TRIM21: variants seen among roughly 807,000 people sequenced by gnomAD.
The protein encoded by TRIM21 is tripartite motif containing 21.
Under a neutral mutation model 36.1 loss-of-function variants are expected in TRIM21, and 35 were observed. The ratio of observed to expected loss-of-function variants is 0.97; its 90% CI spans 0.74 to 1.28. TRIM21 has a LOEUF of 1.28. Among genes scored for constraint, TRIM21 ranks in the 50% most tolerant of loss-of-function variants. TRIM21 has a pLI of 0.00. For missense variants in TRIM21, 635 were observed against 570.7 expected (o/e 1.11, Z -1.15); for synonymous variants, 256 against 211.5 (o/e 1.21, Z -1.83).
Position 4,390,417 on chromosome 11 carries a change from T to A in TRIM21, c.-8A>T. The A allele has an allele frequency of 6.3e-7, 1 of 1,598,862 alleles. No homozygotes were observed. The highest frequency in any genetic ancestry group is 8.6e-7 in the Non-Finnish European group (1 of 1,168,800). On this transcript the variant is annotated 5_prime_UTR_variant, in exon 2 of 7. Transcript: ENST00000254436. ...GCGTGCTGCTGAAGCCATTGTCAAG[T>A]GTGCCGTTAAACAGCAGTGTGGAGA...
chr11:4,388,555 G>C (rs1564810156), intron 3 of TRIM21, 25 bp from the exon 4 acceptor site: 1 of 1,597,174 alleles, frequency 6.3e-7, no homozygotes, highest in Admixed American at 1.7e-5. Context: ...GAAAGGGAGA[G>C]GTGGTTTTTA....
chr11:4,385,678 C>T lies in TRIM21; in HGVS notation c.1035G>A (p.Glu345=). 6.2e-7 allele frequency: 1 copy of T among 1,613,420 alleles called. No homozygotes were observed. Among genetic ancestry groups the T allele is most frequent in the Non-Finnish European group, 8.5e-7 (1 of 1,179,650 alleles). Residue 345 remains glutamate (E), a synonymous_variant, in exon 7 of 7, where the codon GAG becomes GAA. Coordinates refer to ENST00000254436, the MANE Select transcript of TRIM21 (RefSeq NM_003141.4). Reference sequence around the variant, plus strand: ...AGGCCTCCTTTCCTGTCACATCTACCTCCCAGTAATGTTTTCCAGAGTGAA... The same window carrying T: ...AGGCCTCCTTTCCTGTCACATCTACTTCCCAGTAATGTTTTCCAGAGTGAA... ...QHFHSGKHYW[E]VDVTGKEAWD... is the part of the protein sequence containing the mutation.
At chr11:4,389,071 C>T (rs898270412) in intron 3 of TRIM21, among the ~76,000 whole-genome samples, 5 of 152,192 alleles carry the variant, frequency 3.3e-5, no homozygotes, top group African/African-American at 9.7e-5. Flanking sequence ...TCACACCCTA[C>T]CTCAATCCCA....
intron 1 of TRIM21, among the ~76,000 whole-genome samples, chr11:4,392,813 G>T (rs565344786): frequency 6.6e-6 from 1 of 152,268 alleles, no homozygotes; most frequent in South Asian, 2.1e-4. Context: ...CTCTCATCAT[G>T]TCCATTCCTG....
chr11:4,388,155 G>GA, intron 4 of TRIM21, 145 bp downstream of exon 4: 1 of 711,290 alleles, frequency 1.4e-6, no homozygotes, highest in Admixed American at 3.0e-5. Flanking sequence ...CGTCTTGAAC[G>GA]CGAACCTTTC....
rs1282928710 is a variant in TRIM21 at position 4,390,032 on chromosome 11, G to C, written c.378C>G (p.Val126=). 17 of 1,613,754 alleles carry C rather than the reference G, an allele frequency of 1.1e-5. No individual in the cohort carries two copies. In the East Asian group the frequency reaches 2.2e-4, roughly 21 times the overall value. Residue 126 remains valine (V), a synonymous_variant, in exon 2 of 7, where the codon GTC becomes GTG. Coordinates refer to ENST00000254436, the MANE Select transcript of TRIM21 (RefSeq NM_003141.4). ...ACTCCTGTGCAGCCTCCTCAAGAGG[G>C]ACCATGGCGTGGTCACGGTGTTTCC... is the stretch of plus-strand genomic sequence containing the variant. ...QSRKHRDHAM[V]PLEEAAQEYQ... is the part of the protein sequence containing the mutation.
At position 4,385,791 on chromosome 11, in the gene TRIM21, G is replaced by A. The variant is rs1327567369; in HGVS notation, c.922C>T (p.Gln308Ter). Reference sequence around the variant, plus strand: ...TGCTGGGTGTCTCCAAGCCTCACTTGTCTCCGATCTTCTGAAAGTATCAGC... The same window carrying A: ...TGCTGGGTGTCTCCAAGCCTCACTTATCTCCGATCTTCTGAAAGTATCAGC... Reference protein sequence around the residue: ...PWLILSEDRRQVRLGDTQQSI... With the variant: ...PWLILSEDRR The change falls in exon 7 of 7, where the codon CAA becomes TAA. Residue 308 changes from glutamine (Q) to a stop codon, truncating the protein, a stop_gained. Transcript: ENST00000254436. LOFTEE classifies it low-confidence loss of function (END_TRUNC). 6.2e-7 allele frequency: 1 copy of A among 1,613,550 alleles called. No homozygotes were observed. Among genetic ancestry groups the A allele is most frequent in the Non-Finnish European group, 8.5e-7 (1 of 1,179,756 alleles).
rs750510114 is a variant in TRIM21 at position 4,385,092 on chromosome 11, A to G, written c.*193T>C. 6 of 572,008 alleles carry G rather than the reference A, an allele frequency of 1.0e-5. No individual in the cohort carries two copies. In the East Asian group the frequency reaches 1.7e-4, roughly 16 times the overall value. 35.4% of individuals were successfully genotyped at this position (572,008 alleles called of 1,614,324 possible). ...GGGCCAAATATAAGGAGGCTGCTTCACTGGAGGGAATCACAAAGCCATCTG... is the reference window on the plus strand; with the variant it reads ...GGGCCAAATATAAGGAGGCTGCTTCGCTGGAGGGAATCACAAAGCCATCTG... On this transcript the variant is annotated 3_prime_UTR_variant, in exon 7 of 7. Coordinates refer to ENST00000254436, the MANE Select transcript of TRIM21 (RefSeq NM_003141.4).
chr11:4,393,464 G>A (rs971557304), intron 1 of TRIM21, among the ~76,000 whole-genome samples, 169 bp downstream of exon 1: 2 of 152,180 alleles, frequency 1.3e-5, no homozygotes, highest in Admixed American at 6.5e-5. Context: ...CAAGCAGGGG[G>A]CCAGCACCGG....
At chr11:4,389,826 A>T in intron 2 of TRIM21, 77 bp from the exon 3 acceptor site, 1 of 1,504,668 alleles carries the variant, frequency 6.6e-7, no homozygotes. Flanking sequence ...GCATTTTCTC[A>T]TGCATATCTC....
rs753283820 is a variant in TRIM21 at position 4,390,447 on chromosome 11, T to A, written c.-38A>T. The A allele has an allele frequency of 1.0e-5, 16 of 1,555,842 alleles. No homozygotes were observed. The East Asian group carries it at 3.6e-4, about 35-fold the overall frequency. On this transcript the variant is annotated 5_prime_UTR_variant, in exon 2 of 7. Coordinates refer to ENST00000254436, the MANE Select transcript of TRIM21 (RefSeq NM_003141.4). ...CGTTAAACAGCAGTGTGGAGACCTTTAGGGGGTTTGGCTGGGAGAGAAGAA... is the reference window on the plus strand; with the variant it reads ...CGTTAAACAGCAGTGTGGAGACCTTAAGGGGGTTTGGCTGGGAGAGAAGAA...
In TRIM21 at chr11:4,385,378, G is replaced by A. The variant is rs1181999357; in HGVS notation, c.1335C>T (p.Phe445=). The change falls in exon 7 of 7, where the codon TTC becomes TTT. Residue 445 remains phenylalanine (F), a synonymous_variant. Transcript: ENST00000254436. ...ECAFTGPLRP[F]FSPGFNDGGK... The stretch of plus-strand genomic sequence containing the variant: ...CTCCATCATTGAAACCAGGACTGAA[G>A]AAGGGCCGCAGAGGTCCTGTAAAGG... 7 of 1,613,876 alleles carry A rather than the reference G, an allele frequency of 4.3e-6. No individual in the cohort carries two copies. The highest frequency in any genetic ancestry group is 5.1e-6 in the Non-Finnish European group (6 of 1,179,856).
chr11:4,385,216 GAA>G lies in TRIM21; in HGVS notation c.*67_*68del, dbSNP rs2094954658. ...ACAAAGGTGGTTCAGAGTTCATGGG[GAA>G]AAGAGGCAGGGTTTGTGGCTGAGAA... On this transcript the variant is annotated 3_prime_UTR_variant, in exon 7 of 7. Coordinates refer to ENST00000254436, the MANE Select transcript of TRIM21 (RefSeq NM_003141.4). 1.4e-6 allele frequency: 2 copies of G among 1,459,694 alleles called. No homozygotes were observed. The highest frequency in any genetic ancestry group is 1.8e-6 in the Non-Finnish European group (2 of 1,082,760). 90.4% of individuals were successfully genotyped at this position (1,459,694 alleles called of 1,614,324 possible).
chr11:4,389,858 G>A (rs745661020), intron 2 of TRIM21, 109 bp from the exon 3 acceptor site: 2 of 1,486,626 alleles, frequency 1.3e-6, no homozygotes, highest in Non-Finnish European at 1.9e-6. Flanking sequence ...GAATGAGGTT[G>A]GGTTTAACTT....
intron 6 of TRIM21, 65 bp from the exon 7 acceptor site, chr11:4,385,918 G>C (rs1056246525): frequency 1.4e-6 from 2 of 1,450,686 alleles, no homozygotes; most frequent in South Asian, 2.8e-5. Flanking sequence ...TGCCTGTGGT[G>C]GGGGGATTTT....
At chr11:4,386,659 G>A (rs141654915) in intron 5 of TRIM21, among the ~76,000 whole-genome samples, 1 of 152,234 alleles carries the variant, frequency 6.6e-6, no homozygotes, top group African/African-American at 2.4e-5. Context: ...CTGAGAAAAG[G>A]AGTCCCAGCA....
intron 5 of TRIM21, 76 bp from the exon 6 acceptor site, chr11:4,386,333 G>A (rs765218288): frequency 4.1e-6 from 5 of 1,205,570 alleles, no homozygotes; most frequent in South Asian, 2.5e-5. Context: ...CCATTGTGGA[G>A]GACTCCGATA....
intron 4 of TRIM21, among the ~76,000 whole-genome samples, chr11:4,387,793 T>A (rs893474788): frequency 3.3e-5 from 5 of 151,994 alleles, no homozygotes; most frequent in Non-Finnish European, 7.4e-5. Flanking sequence ...ATCACACCAT[T>A]GCACTCCAGC....
chr11:4,387,378 A>G (rs2094957404), intron 4 of TRIM21, among the ~76,000 whole-genome samples: 1 of 152,020 alleles, frequency 6.6e-6, no homozygotes, highest in African/African-American at 2.4e-5. Flanking sequence ...AAACCACTCT[A>G]TTCCACTTGT....
Sources: allele counts gnomAD v4.1 joint callset (sites outside exome capture counted in the v4.1 genomes callset), GRCh38; gene constraint gnomAD v4.1.1; transcripts MANE v1.5; gene names NCBI Gene and HGNC (gene_info 2026-07-23, HGNC 2026-07-21).